Variants in ADSL observed in about 807,000 individuals in gnomAD.
ADSL encodes adenylosuccinate lyase, also known as adenylosuccinase.
ADSL carries 44 observed loss-of-function variants against 62.1 expected under a neutral mutation model. That is an observed-to-expected ratio of 0.71 (90% CI 0.56 to 0.91). ADSL has a LOEUF of 0.91. ADSL is among the 40% of genes least tolerant of loss of function. The pLI is 0.00. For synonymous variants in ADSL, 198 were observed against 220.5 expected (o/e 0.90, Z 0.90); for missense variants, 531 against 627.4 (o/e 0.85, Z 1.64).
chr22:40,348,592 T>G (rs2044230894), intron 1 of ADSL: 1 of 398,634 alleles, frequency 2.5e-6, no homozygotes, highest in Non-Finnish European at 4.4e-6. Context: ...TGTTTTCCAG[T>G]GCGGTCTAGA....
chr22:40,361,087 G>T, intron 7 of ADSL, 186 bp from the exon 8 acceptor site: 1 of 710,568 alleles, frequency 1.4e-6, no homozygotes, highest in Non-Finnish European at 2.6e-6. Context: ...TGTCATCCCA[G>T]TCCTTCGGGA....
Position 40,347,517 on chromosome 22 carries a change from C to G in ADSL, c.153+806C>G, listed in dbSNP as rs74361022. 2.0e-3 allele frequency among the ~76,000 whole-genome samples: 308 copies of G among 152,346 alleles called. 1 individual carries two copies. Among genetic ancestry groups the G allele is most frequent in the African/African-American group, 7.1e-3 (297 of 41,572 alleles). On this transcript the variant is annotated intron_variant, in intron 1 of 12. Coordinates refer to ENST00000623063, the MANE Select transcript of ADSL (RefSeq NM_000026.4). ...CAAGTTTCAGAGGAAAGTGCCACAA[C>G]GAGCAAGTTGGCAATGCCCTCTCAA...
At position 40,365,042 on chromosome 22, in the gene ADSL, C is replaced by A. The variant is rs572438339; in HGVS notation, c.1354C>A (p.Arg452Ser). ...ACTGGATCCTTCTTCTTTCACTGGT[C>A]GTGCCTCCCAGCAGGTAAGCTTCCA... The part of the protein sequence containing the change: ...HLLDPSSFTG[R>S]ASQQVQRFLE... The change falls in exon 12 of 13, where the codon CGT becomes AGT. Residue 452 changes from arginine (R) to serine (S), a missense_variant. Coordinates refer to ENST00000623063, the MANE Select transcript of ADSL (RefSeq NM_000026.4). 1.2e-6 allele frequency: 2 copies of A among 1,613,844 alleles called. No homozygotes were observed. Among genetic ancestry groups the A allele is most frequent in the South Asian group, 1.1e-5 (1 of 91,024 alleles).
At chr22:40,350,548 G>T (rs535159233) in intron 2 of ADSL, among the ~76,000 whole-genome samples, 7 of 152,130 alleles carry the variant, frequency 4.6e-5, no homozygotes, top group Non-Finnish European at 8.8e-5. Context: ...TACAGATCCT[G>T]CTTATGCATT....
chr22:40,387,372 T>C (rs2048646925), intron 2 of ADSL: 2 of 392,778 alleles, frequency 5.1e-6, no homozygotes, highest in Middle Eastern at 6.4e-4. Flanking sequence ...CCGGTAATTA[T>C]ATAGATGGTA....
rs2146679022 is a variant in ADSL, at chr22:40,366,686, G to C, written c.*164G>C. 1 of 636,564 alleles carries C rather than the reference G, an allele frequency of 1.6e-6. No individual in the cohort carries two copies. The highest frequency in any genetic ancestry group is 2.8e-5 in the East Asian group (1 of 35,150). 39.4% of individuals were successfully genotyped at this position (636,564 alleles called of 1,614,324 possible). On this transcript the variant is annotated 3_prime_UTR_variant, in exon 13 of 13. Transcript: ENST00000623063. ...TTCTCAGTCTCACATTTCTCAACAAGGCAAAAACAAAGAGCGTTGAAGTTG... is the reference window on the plus strand; with the variant it reads ...TTCTCAGTCTCACATTTCTCAACAACGCAAAAACAAAGAGCGTTGAAGTTG...
intron 2 of ADSL, among the ~76,000 whole-genome samples, chr22:40,381,939 G>C (rs1040749050): frequency 2.6e-5 from 4 of 152,206 alleles, no homozygotes; most frequent in Non-Finnish European, 5.9e-5. Context: ...CAGCCTGGCA[G>C]ACAAAGTCAG....
Position 40,361,584 on chromosome 22 carries a change from A to G in ADSL, c.959A>G (p.Gln320Arg). Residue 320 changes from glutamine to arginine, a missense_variant, in exon 9 of 13, where the codon CAG (glutamine) becomes CGG (arginine). By Grantham distance (43) the Gln-to-Arg change is conservative. Transcript: ENST00000623063. ...HLMTLVMDPL[Q>R]TASVQWFERT... The stretch of plus-strand genomic sequence containing the variant: ...ATGACCCTTGTCATGGACCCGCTAC[A>G]GACAGCATCTGTCCAGTGGTTTGAA... 1 of 1,614,226 alleles carries G rather than the reference A, an allele frequency of 6.2e-7. No individual in the cohort carries two copies. The highest frequency in any genetic ancestry group is 8.5e-7 in the Non-Finnish European group (1 of 1,180,046).
rs145509011 is a variant in ADSL at position 40,359,577 on chromosome 22, A to G, written c.701+271A>G. The stretch of plus-strand genomic sequence containing the variant: ...TTTTGAGACAGGGTCTTACTCTGTC[A>G]CCCAGGCTGGAGTGCAGCGGTGTGA... On this transcript the variant is annotated intron_variant, in intron 6 of 12. Coordinates refer to ENST00000623063, the MANE Select transcript of ADSL (RefSeq NM_000026.4). Among the ~76,000 whole-genome samples the G allele has an allele frequency of 1.7e-3, 253 of 147,084 alleles. 1 individual carries two copies. The highest frequency in any genetic ancestry group is 6.2e-3 in the African/African-American group (245 of 39,728).
At chr22:40,348,834 C>G (rs1355575207) in intron 1 of ADSL, 1 of 369,390 alleles carries the variant, frequency 2.7e-6, no homozygotes, top group African/African-American at 2.1e-5. Context: ...ATCAGTTTCA[C>G]CACTGTTTGT....
At chr22:40,378,451 G>T (rs145558169) in intron 2 of ADSL, among the ~76,000 whole-genome samples, 1 of 150,726 alleles carries the variant, frequency 6.6e-6, no homozygotes, top group African/African-American at 2.4e-5. Flanking sequence ...TAATATGGCC[G>T]GGCACGGTGG....
At chr22:40,375,062 T>C (rs1250210232) in intron 2 of ADSL, among the ~76,000 whole-genome samples, 2 of 152,228 alleles carry the variant, frequency 1.3e-5, no homozygotes, top group Non-Finnish European at 2.9e-5. Flanking sequence ...CATTTATACA[T>C]GAGGAGAGAT....
chr22:40,362,106 G>A (rs2044813923), intron 9 of ADSL, among the ~76,000 whole-genome samples: 1 of 152,178 alleles, frequency 6.6e-6, no homozygotes, highest in Non-Finnish European at 1.5e-5. Context: ...GATGTCAGTT[G>A]TGGTGTCTAG....
At position 40,363,041 on chromosome 22, in the gene ADSL, C is replaced by T. The variant is rs1455722783; in HGVS notation, c.1071C>T (p.Asn357=). Residue 357 remains asparagine (N), a synonymous_variant, in exon 10 of 13, where the codon AAC becomes AAT. Coordinates refer to ENST00000623063, the MANE Select transcript of ADSL (RefSeq NM_000026.4). ...ATACTATATTGAATACGCTGCAGAA[C>T]ATTTCTGAAGGATTGGTCGTGTACC... is the stretch of plus-strand genomic sequence containing the variant. ...TADTILNTLQ[N]ISEGLVVYPK... is the part of the protein sequence containing the mutation. 2.5e-6 allele frequency: 4 copies of T among 1,614,108 alleles called. No individual in the cohort carries two copies. The highest frequency in any genetic ancestry group is 2.2e-5 in the East Asian group (1 of 44,888).
intron 3 of ADSL, 27 bp downstream of exon 3, chr22:40,353,144 C>T: frequency 6.3e-7 from 1 of 1,597,696 alleles, no homozygotes; most frequent in Non-Finnish European, 8.6e-7. Context: ...TGTTTCCTAC[C>T]AACCCTAGAT....
intron 2 of ADSL, chr22:40,350,388 A>C: frequency 4.0e-6 from 1 of 249,788 alleles, no homozygotes; most frequent in South Asian, 4.7e-5. Context: ...AGCCTCCCAA[A>C]GTGTTGGGAT....
At chr22:40,385,629 G>A (rs779518652) in intron 2 of ADSL, among the ~76,000 whole-genome samples, 3 of 152,180 alleles carry the variant, frequency 2.0e-5, no homozygotes, top group Non-Finnish European at 4.4e-5. Context: ...GCTGAGCTTC[G>A]TTAAAGCTGG....
intron 6 of ADSL, 114 bp downstream of exon 6, chr22:40,359,420 C>A: frequency 1.0e-6 from 1 of 974,194 alleles, no homozygotes; most frequent in Non-Finnish European, 1.6e-6. Flanking sequence ...TGTTCTTCTA[C>A]CCATTTTTTT....
chr22:40,369,421 GTA>G (rs930545144), downstream of ADSL: 8 of 144,000 alleles, frequency 5.6e-5, no homozygotes, highest in Admixed American at 5.5e-4. Flanking sequence ...GTACATTTAT[GTA>G]TATATATAAA....
Sources: gnomAD v4.1 joint callset for allele counts (sites outside exome capture counted in the v4.1 genomes callset) on GRCh38, gnomAD v4.1.1 for gene constraint, MANE v1.5 for transcripts, NCBI Gene and HGNC (gene_info 2026-07-23, HGNC 2026-07-21) for gene names.